SAMMSON: variants seen among roughly 807,000 people sequenced by gnomAD.
SAMMSON encodes the protein long intergenic non-protein coding RNA 1212.
chr3:70,298,602 G>T (rs1050815684), intron 7 of SAMMSON, among the ~76,000 whole-genome samples: 1 of 152,018 alleles, frequency 6.6e-6, no homozygotes, highest in African/African-American at 2.4e-5. Context: ...CCTCTTTCTC[G>T]TTAAAATCAC....
intron 7 of SAMMSON, among the ~76,000 whole-genome samples, chr3:70,326,020 T>C (rs1046258724): frequency 2.0e-5 from 3 of 152,172 alleles, no homozygotes; most frequent in Non-Finnish European, 2.9e-5. Flanking sequence ...CTCTCAGAAC[T>C]CTAGTAAAAT....
At chr3:70,021,541 A>G (rs2067013401) in intron 3 of SAMMSON, among the ~76,000 whole-genome samples, 1 of 152,188 alleles carries the variant, frequency 6.6e-6, no homozygotes, top group African/African-American at 2.4e-5. Context: ...ATGTATTTCT[A>G]CTAGGCCTGA....
rs1362861416 is a variant in SAMMSON, at chr3:70,366,001, T to TTTTTC, written n.913+7677_913+7678insTTTTC. 9.6e-4 allele frequency among the ~76,000 whole-genome samples: 21 copies of TTTTTC among 21,792 alleles called. 1 individual carries two copies. Among genetic ancestry groups the TTTTTC allele is most frequent in the African/African-American group, 2.5e-3 (15 of 5,942 alleles). The allele number at this position is 21,792 out of a possible 152,430, so 14.3% of individuals were successfully genotyped here. On this transcript the variant is annotated intron_variant and non_coding_transcript_variant, in intron 9 of 9. Transcript: ENST00000642114. Reference sequence around the variant, plus strand: ...TTTTTTTTTTTTTTTTTTTTTTTTTTGAGACGGAGTCTCGCTCTGTCGCCC... The same window carrying TTTTTC: ...TTTTTTTTTTTTTTTTTTTTTTTTTTTTTTCGAGACGGAGTCTCGCTCTGTCGCCC...
intron 4 of SAMMSON, among the ~76,000 whole-genome samples, chr3:70,196,011 G>A (rs950322664): frequency 6.6e-6 from 1 of 152,166 alleles, no homozygotes; most frequent in African/African-American, 2.4e-5. Context: ...GCTTGGTGCT[G>A]AATAAGTACC....
intron 7 of SAMMSON, among the ~76,000 whole-genome samples, chr3:70,326,558 C>A (rs1028458399): frequency 1.3e-5 from 2 of 152,108 alleles, no homozygotes; most frequent in African/African-American, 4.8e-5. Flanking sequence ...CCATAGCCCT[C>A]GGCATGAATT....
intron 6 of SAMMSON, among the ~76,000 whole-genome samples, chr3:70,281,954 C>T (rs573851909): frequency 1.3e-5 from 2 of 152,156 alleles, no homozygotes; most frequent in African/African-American, 4.8e-5. Flanking sequence ...ACCCTGTGTA[C>T]TGCACAAGGC....
intron 7 of SAMMSON, among the ~76,000 whole-genome samples, chr3:70,337,405 G>T (rs942129345): frequency 2.0e-5 from 3 of 151,476 alleles, no homozygotes; most frequent in Non-Finnish European, 4.4e-5. Context: ...TAGCTACCCT[G>T]TTAAGTGCTT....
chr3:70,134,361 T>A (rs1042258805), intron 4 of SAMMSON, among the ~76,000 whole-genome samples: 1 of 142,000 alleles, frequency 7.0e-6, no homozygotes, highest in African/African-American at 2.8e-5. Context: ...TTTTTTAACT[T>A]TTTTTTTTTT....
At chr3:70,160,934 A>G (rs1489112002) in intron 4 of SAMMSON, among the ~76,000 whole-genome samples, 1 of 151,962 alleles carries the variant, frequency 6.6e-6, no homozygotes, top group Non-Finnish European at 1.5e-5. Flanking sequence ...ATTCTTTTTG[A>G]TGCTATTGTG....
chr3:70,360,885 T>G (rs1702866112), intron 9 of SAMMSON, among the ~76,000 whole-genome samples: 1 of 152,170 alleles, frequency 6.6e-6, no homozygotes, highest in Non-Finnish European at 1.5e-5. Flanking sequence ...CCCTATTTTA[T>G]TAAGGGAGAA....
chr3:70,007,730 G>C (rs1301232411), intron 1 of SAMMSON, among the ~76,000 whole-genome samples: 1 of 152,098 alleles, frequency 6.6e-6, no homozygotes, highest in Non-Finnish European at 1.5e-5. Flanking sequence ...CCATGCCTAT[G>C]TCCTGAATGG....
intron 4 of SAMMSON, among the ~76,000 whole-genome samples, chr3:70,091,665 A>C (rs1044754510): frequency 2.0e-5 from 3 of 152,154 alleles, no homozygotes; most frequent in Admixed American, 2.0e-4. Flanking sequence ...ACAGCCTAAT[A>C]AGCAAGTCTG....
At chr3:70,399,664 G>C (rs1701122815) in intron 2 of SAMMSON, among the ~76,000 whole-genome samples, 1 of 152,036 alleles carries the variant, frequency 6.6e-6, no homozygotes, top group African/African-American at 2.4e-5. Context: ...TCAGGAGTTT[G>C]AGACCAGCCT....
intron 7 of SAMMSON, among the ~76,000 whole-genome samples, chr3:70,294,802 G>C (rs1011682540): frequency 6.6e-6 from 1 of 152,006 alleles, no homozygotes; most frequent in African/African-American, 2.4e-5. Context: ...GCTCAGTCTG[G>C]CTTCTCTTAT....
intron 9 of SAMMSON, among the ~76,000 whole-genome samples, chr3:70,388,372 C>A (rs1235702806): frequency 6.6e-6 from 1 of 152,010 alleles, no homozygotes; most frequent in African/African-American, 2.4e-5. Context: ...CTATTTGGTT[C>A]TTTACAAAAA....
intron 4 of SAMMSON, among the ~76,000 whole-genome samples, chr3:70,119,370 T>G (rs866011496): frequency 1.2e-4 from 18 of 152,352 alleles, no homozygotes; most frequent in Admixed American, 7.2e-4. Flanking sequence ...CCCTGACCGC[T>G]ACTCTTATTA....
At chr3:70,242,030 C>T (rs1659085608) in intron 4 of SAMMSON, among the ~76,000 whole-genome samples, 1 of 152,194 alleles carries the variant, frequency 6.6e-6, no homozygotes, top group South Asian at 2.1e-4. Flanking sequence ...CGGCTGACTA[C>T]ACTATCTTTG....
At chr3:70,020,649 C>G (rs945521995) in intron 3 of SAMMSON, among the ~76,000 whole-genome samples, 12 of 152,088 alleles carry the variant, frequency 7.9e-5, no homozygotes, top group Admixed American at 2.0e-4. Context: ...TTCTAATCAT[C>G]TGATTGAGCC....
intron 2 of SAMMSON, among the ~76,000 whole-genome samples, chr3:70,407,788 C>G (rs1341964574): frequency 6.6e-6 from 1 of 152,230 alleles, no homozygotes; most frequent in Non-Finnish European, 1.5e-5. Context: ...TGGCCGTCTT[C>G]TCACAGCTCC....
Sources: gnomAD v4.1 joint callset for allele counts (sites outside exome capture counted in the v4.1 genomes callset) on GRCh38, gnomAD v4.1.1 for gene constraint, MANE v1.5 for transcripts, NCBI Gene and HGNC (gene_info 2026-07-23, HGNC 2026-07-21) for gene names.